JAK1: variants seen among roughly 807,000 people sequenced by gnomAD.
JAK1 encodes the protein tyrosine-protein kinase JAK1.
In JAK1, 16 loss-of-function variants were observed where a neutral mutation model predicts 136.6. The observed-to-expected ratio is 0.12, with a 90% CI of 0.08 to 0.18. The LOEUF is 0.18. JAK1 is among the 10% of genes least tolerant of loss of function. The pLI is 1.00. For synonymous variants in JAK1, 492 were observed against 519.5 expected, an observed-to-expected ratio of 0.95 and a Z score of 0.72; for missense variants, 859 against 1,450.1, an observed-to-expected ratio of 0.59 and a Z score of 6.62.
At chr1:64,954,655 C>A (rs924710306) in intron 1 of JAK1, among the ~76,000 whole-genome samples, 15 of 152,068 alleles carry the variant, frequency 9.9e-5, no homozygotes, top group Non-Finnish European at 2.9e-5. Context: ...ATTTCTATTA[C>A]CACTCTCCAA....
intron 22 of JAK1, among the ~76,000 whole-genome samples, 172 bp from the exon 23 acceptor site, chr1:64,836,387 G>GACCTAT (rs960953359): frequency 6.6e-6 from 1 of 151,960 alleles, no homozygotes; most frequent in African/African-American, 2.4e-5. Context: ...GTGCACATCT[G>GACCTAT]ACCTATAGTA....
chr1:65,003,850 A>G (rs1339636264), intron 2 of JAK1: 1 of 152,284 alleles, frequency 6.6e-6, no homozygotes, highest in African/African-American at 2.4e-5. Flanking sequence ...CCCCAAATGC[A>G]ATCCATGCAC....
intron 21 of JAK1, 111 bp downstream of exon 21, chr1:64,838,350 AAAAC>A (rs936753434): frequency 8.6e-7 from 1 of 1,157,904 alleles, no homozygotes. Flanking sequence ...AATGCAGAGA[AAAAC>A]AAACAGTATA....
chr1:64,943,857 C>T (rs1027544307), intron 1 of JAK1, among the ~76,000 whole-genome samples: 2 of 150,514 alleles, frequency 1.3e-5, no homozygotes, highest in Non-Finnish European at 3.0e-5. Context: ...AAGACAAACA[C>T]GCCAGTAATA....
In JAK1 at chr1:64,971,782, C is replaced by T. The variant is rs529475808; in HGVS notation, c.-78+72698G>A. ...CTATGTTGGCCAGGCTGGTCTCAAACGCCTGACCTCAAGTGATCCACCCAC... is the reference window on the plus strand; with the variant it reads ...CTATGTTGGCCAGGCTGGTCTCAAATGCCTGACCTCAAGTGATCCACCCAC... On this transcript the variant is annotated intron_variant, in intron 2 of 25. Coordinates refer to the JAK1 transcript ENST00000671954. 1.4e-4 allele frequency among the ~76,000 whole-genome samples: 22 copies of T among 152,292 alleles called. No homozygotes were observed. In the East Asian group the frequency reaches 3.3e-3, roughly 23 times the overall value.
intron 1 of JAK1, among the ~76,000 whole-genome samples, chr1:65,064,629 T>C (rs1224457996): frequency 6.6e-6 from 1 of 152,174 alleles, no homozygotes; most frequent in Non-Finnish European, 1.5e-5. Context: ...AGGTGGAAAA[T>C]CCTGACATCC....
intron 2 of JAK1, among the ~76,000 whole-genome samples, chr1:64,997,875 T>C (rs1240277595): frequency 6.6e-6 from 1 of 152,188 alleles, no homozygotes; most frequent in Non-Finnish European, 1.5e-5. Flanking sequence ...TTCCTGCTGA[T>C]GGAAGCCCAG....
rs149968614 is a variant in JAK1, at chr1:64,846,685, C to A, written c.1951G>T (p.Val651Leu). Residue 651 changes from valine to leucine, a missense_variant, in exon 14 of 25, where the codon GTG (valine) becomes TTG (leucine). Transcript: ENST00000342505. ...MMRQVSHKHI[V>L]YLYGVCVRDV... ...CGGACACAGACGCCATAGAGGTACA[C>A]GATGTGTTTGTGGGAGACCTGTCTC... 6.2e-7 allele frequency: 1 copy of A among 1,614,072 alleles called. No homozygotes were observed. The highest frequency in any genetic ancestry group is 8.5e-7 in the Non-Finnish European group (1 of 1,179,992).
chr1:64,967,164 T>C (rs1646400740), upstream of JAK1, among the ~76,000 whole-genome samples: 1 of 152,216 alleles, frequency 6.6e-6, no homozygotes, highest in Non-Finnish European at 1.5e-5. Context: ...CTCAAAGTAG[T>C]AGCATCATCT....
intron 2 of JAK1, among the ~76,000 whole-genome samples, chr1:64,983,967 T>G (rs1646574093): frequency 6.6e-6 from 1 of 152,166 alleles, no homozygotes; most frequent in South Asian, 2.1e-4. Flanking sequence ...TACCCTCCAA[T>G]AATTAACTAC....
chr1:64,885,965 T>C (rs1333097513), intron 2 of JAK1, among the ~76,000 whole-genome samples: 2 of 152,208 alleles, frequency 1.3e-5, no homozygotes, highest in Non-Finnish European at 2.9e-5. Flanking sequence ...ACATGTATAA[T>C]ATGATTATGC....
At chr1:64,904,644 T>C (rs1407576365) in intron 1 of JAK1, among the ~76,000 whole-genome samples, 2 of 152,168 alleles carry the variant, frequency 1.3e-5, no homozygotes, top group Admixed American at 1.3e-4. Context: ...TCTGACAGCA[T>C]CAATCTCAGA....
chr1:64,901,179 G>C (rs1204646880), intron 1 of JAK1, among the ~76,000 whole-genome samples: 1 of 152,178 alleles, frequency 6.6e-6, no homozygotes, highest in Non-Finnish European at 1.5e-5. Flanking sequence ...AAATGTCTGT[G>C]TAAGAAGCAA....
intron 2 of JAK1, among the ~76,000 whole-genome samples, chr1:64,980,924 A>G (rs1196223791): frequency 6.6e-6 from 1 of 152,184 alleles, no homozygotes; most frequent in Non-Finnish European, 1.5e-5. Context: ...TTATGGCTGC[A>G]TAGTATTCCA....
intron 1 of JAK1, 47 bp from the exon 2 acceptor site, chr1:64,886,388 T>A: frequency 8.9e-7 from 1 of 1,128,340 alleles, no homozygotes; most frequent in South Asian, 1.7e-5. Flanking sequence ...GGTAATTGCA[T>A]CTGAAAATAA....
intron 2 of JAK1, chr1:64,989,765 A>G (rs750502425): frequency 1.3e-5 from 2 of 152,280 alleles, no homozygotes; most frequent in East Asian, 1.9e-4. Context: ...TAGGACAATC[A>G]GAAGCACCTG....
At chr1:65,016,806 G>C (rs1194362213) in intron 2 of JAK1, among the ~76,000 whole-genome samples, 1 of 151,980 alleles carries the variant, frequency 6.6e-6, no homozygotes, top group Admixed American at 6.6e-5. Flanking sequence ...GCTGAGGCAG[G>C]AGAATTGCTT....
At chr1:64,948,656 T>A (rs1421975771) in intron 1 of JAK1, among the ~76,000 whole-genome samples, 1 of 152,228 alleles carries the variant, frequency 6.6e-6, no homozygotes, top group Admixed American at 6.5e-5. Flanking sequence ...TCATGAAAGA[T>A]TAGCAGCCAG....
At chr1:64,948,813 C>T (rs1014792986) in intron 1 of JAK1, among the ~76,000 whole-genome samples, 3 of 152,254 alleles carry the variant, frequency 2.0e-5, no homozygotes, top group African/African-American at 7.2e-5. Flanking sequence ...ATGGCTTCCA[C>T]CTCACATCTC....
Sources: allele counts gnomAD v4.1 joint callset (sites outside exome capture counted in the v4.1 genomes callset), GRCh38; gene constraint gnomAD v4.1.1; transcripts MANE v1.5; gene names NCBI Gene and HGNC (gene_info 2026-07-23, HGNC 2026-07-21).